The following TUSC3 variants were observed in gnomAD, a reference collection of about 807,000 sequenced individuals.
TUSC3 encodes the protein dolichyl-diphosphooligosaccharide--protein glycosyltransferase subunit TUSC3.
A neutral mutation model predicts 44.8 loss-of-function variants in TUSC3; 45 were observed. The ratio of observed to expected loss-of-function variants is 1.00; its 90% confidence interval spans 0.79 to 1.29. The LOEUF (loss-of-function observed/expected upper bound fraction) is 1.29. Among genes scored for constraint, TUSC3 ranks in the 50% most tolerant of loss-of-function variants. The probability of loss-of-function intolerance (pLI) is 0.00; values close to 1 mark genes in which losing one functional copy is unlikely to be tolerated. For synonymous variants in TUSC3, 212 were observed against 152.9 expected (o/e 1.39, Z -2.85); for missense variants, 519 against 437.9 (o/e 1.19, Z -1.65).
At chr8:15,575,064 T>C (rs1348585662) in intron 1 of TUSC3, among the ~76,000 whole-genome samples, 2 of 152,160 alleles carry the variant, frequency 1.3e-5, no homozygotes, top group Non-Finnish European at 2.9e-5. Flanking sequence ...TATAAACTTA[T>C]CCGTAGCAAT....
chr8:15,688,839 C>G (rs548901848), intron 6 of TUSC3: 1 of 154,446 alleles, frequency 6.5e-6, no homozygotes, highest in East Asian at 1.9e-4. Context: ...CGTAATTAAT[C>G]CAGTTACTTT....
intron 1 of TUSC3, among the ~76,000 whole-genome samples, chr8:15,457,068 T>TA (rs1284716313): frequency 6.8e-6 from 1 of 147,702 alleles, no homozygotes; most frequent in Non-Finnish European, 1.5e-5. Context: ...ATCGCAAGGA[T>TA]AAAAAACCAA....
At chr8:15,657,829 TGG>T in intron 3 of TUSC3, among the ~76,000 whole-genome samples, 1 of 152,280 alleles carries the variant, frequency 6.6e-6, no homozygotes, top group South Asian at 2.1e-4. Context: ...TACCTGAGAC[TGG>T]ATAAGTATAA....
intron 5 of TUSC3, among the ~76,000 whole-genome samples, chr8:15,671,208 G>A (rs920448184): frequency 2.0e-5 from 3 of 151,986 alleles, no homozygotes; most frequent in Non-Finnish European, 2.9e-5. Flanking sequence ...GGCAGGTTAT[G>A]TAGATTATGA....
chr8:15,417,532 C>G (rs999175348), intron 1 of TUSC3, among the ~76,000 whole-genome samples: 8 of 152,130 alleles, frequency 5.3e-5, no homozygotes, highest in Non-Finnish European at 1.2e-4. Context: ...AGATGTCCAG[C>G]TAAGAGGTCA....
the TUSC3 span, chr8:15,807,193 C>T: frequency 4.1e-6 from 3 of 740,498 alleles, no homozygotes; most frequent in Non-Finnish European, 7.4e-6. Flanking sequence ...ATACGTCAAC[C>T]TTGCATGCTG....
chr8:15,740,636 T>G (rs1240884210), intron 7 of TUSC3, among the ~76,000 whole-genome samples: 1 of 152,170 alleles, frequency 6.6e-6, no homozygotes, highest in Non-Finnish European at 1.5e-5. Flanking sequence ...CTTATCAGTT[T>G]GATAAAATCA....
rs748983687 is a variant in TUSC3, at chr8:15,659,584, C to A, written c.504C>A (p.Leu168=). 1 of 1,613,442 alleles carries A rather than the reference C, an allele frequency of 6.2e-7. No homozygotes were observed. Among genetic ancestry groups the A allele is most frequent in the Non-Finnish European group, 8.5e-7 (1 of 1,179,698 alleles). The change falls in exon 4 of 11, where the codon CTC becomes CTA. Residue 168 remains leucine (L), a synonymous_variant. Transcript: ENST00000503731. The part of the protein sequence containing the change: ...GRPKRADTFD[L]QRIGFAAEQL... ...CTAAGAGAGCTGATACTTTTGACCTCCAAAGAATTGGATTTGCAGCTGAGC... is the reference window on the plus strand; with the variant it reads ...CTAAGAGAGCTGATACTTTTGACCTACAAAGAATTGGATTTGCAGCTGAGC...
chr8:15,533,187 C>T (rs1488672090), intron 2 of TUSC3, among the ~76,000 whole-genome samples: 2 of 152,172 alleles, frequency 1.3e-5, no homozygotes, highest in Non-Finnish European at 2.9e-5. Context: ...CTCCTTCTGC[C>T]ATAATTGTGA....
the TUSC3 span, among the ~76,000 whole-genome samples, chr8:15,785,146 G>A: frequency 6.6e-6 from 1 of 151,916 alleles, no homozygotes; most frequent in African/African-American, 2.4e-5. Context: ...TGGGTGATGG[G>A]TACACTAAAA....
At position 15,467,745 on chromosome 8, in the gene TUSC3, C is replaced by G. The variant is rs187741777; in HGVS notation, n.92-15641C>G. Reference sequence around the variant, plus strand: ...CATCTAATGTTCTTGGATATGTAATCAGTCATCTTGAATTACGTTTGTTCT... The same window carrying G: ...CATCTAATGTTCTTGGATATGTAATGAGTCATCTTGAATTACGTTTGTTCT... On this transcript the variant is annotated intron_variant and non_coding_transcript_variant, in intron 1 of 5. Transcript: ENST00000503191. Among the ~76,000 whole-genome samples, 498 of 152,262 alleles carry G rather than the reference C, an allele frequency of 3.3e-3. 1 individual carries two copies. The highest frequency in any genetic ancestry group is 0.012 in the African/African-American group (484 of 41,562).
intron 1 of TUSC3, among the ~76,000 whole-genome samples, chr8:15,621,647 A>G (rs1339290492): frequency 6.7e-6 from 1 of 148,310 alleles, no homozygotes; most frequent in Non-Finnish European, 1.5e-5. Flanking sequence ...ATCTATATAG[A>G]TAAATCTATA....
At chr8:15,463,066 TCTC>T (rs1262161103) in intron 1 of TUSC3, among the ~76,000 whole-genome samples, 1 of 152,162 alleles carries the variant, frequency 6.6e-6, no homozygotes, top group East Asian at 1.9e-4. Flanking sequence ...TCCTCTACCT[TCTC>T]CTTTTTTTCT....
chr8:15,679,853 C>T (rs952822043), intron 6 of TUSC3, among the ~76,000 whole-genome samples: 16 of 151,800 alleles, frequency 1.1e-4, no homozygotes, highest in African/African-American at 3.6e-4. Context: ...GGTGTTTATT[C>T]CCCATTGTTT....
intron 1 of TUSC3, among the ~76,000 whole-genome samples, chr8:15,576,017 C>T (rs991409680): frequency 2.6e-5 from 4 of 151,970 alleles, no homozygotes; most frequent in African/African-American, 9.6e-5. Context: ...AAACTGATTT[C>T]AGCTTTTTCC....
rs1376701634 is a variant in TUSC3, at chr8:15,427,952, T to G, written n.91+10647T>G. Among the ~76,000 whole-genome samples, 2 of 148,354 alleles carry G rather than the reference T, an allele frequency of 1.3e-5. 1 individual carries two copies. The highest frequency in any genetic ancestry group is 4.3e-4 in the South Asian group (2 of 4,688). On this transcript the variant is annotated intron_variant and non_coding_transcript_variant, in intron 1 of 5. Coordinates refer to the TUSC3 transcript ENST00000503191. ...TACAGTATGAGATAAGGATGCAATT[T>G]TATTCTTTTTTTAAATTTTTTTTTT... is the stretch of plus-strand genomic sequence containing the variant.
intron 1 of TUSC3, among the ~76,000 whole-genome samples, chr8:15,466,714 C>A (rs1280316367): frequency 6.6e-6 from 1 of 151,994 alleles, no homozygotes; most frequent in Non-Finnish European, 1.5e-5. Flanking sequence ...TCTTTAATTC[C>A]TGTTTTTGTT....
the TUSC3 span, among the ~76,000 whole-genome samples, chr8:15,848,132 C>T: frequency 6.6e-6 from 1 of 152,108 alleles, no homozygotes; most frequent in East Asian, 1.9e-4. Context: ...TCCTTCCCCC[C>T]GAGTGAAGTA....
intron 5 of TUSC3, among the ~76,000 whole-genome samples, chr8:15,672,458 G>T (rs1202497705): frequency 6.6e-6 from 1 of 151,912 alleles, no homozygotes; most frequent in East Asian, 1.9e-4. Context: ...TTATCCTCAT[G>T]CTATAGATAG....
Sources: allele counts gnomAD v4.1 joint callset (sites outside exome capture counted in the v4.1 genomes callset), GRCh38; gene constraint gnomAD v4.1.1; transcripts MANE v1.5; gene names NCBI Gene and HGNC (gene_info 2026-07-23, HGNC 2026-07-21).